Variants in STEAP4 observed in about 807,000 individuals in gnomAD.
The protein encoded by STEAP4 is metalloreductase STEAP4.
STEAP4 carries 36 observed loss-of-function variants against 43.6 expected under a neutral mutation model. That is an observed-to-expected ratio of 0.83 (90% CI 0.63 to 1.09). The LOEUF is 1.09. Ranked by LOEUF, STEAP4 falls within the 50% of genes least tolerant of loss-of-function variation. STEAP4 has a pLI of 0.00. For missense variants in STEAP4, 495 were observed against 546.5 expected (o/e 0.91, Z 0.94); for synonymous variants, 191 against 196.7 (o/e 0.97, Z 0.24).
chr7:88,298,491 A>G (rs1479473000), intron 1 of STEAP4: 1 of 151,868 alleles, frequency 6.6e-6, no homozygotes, highest in Non-Finnish European at 1.5e-5. Context: ...ACACACACAC[A>G]CACACACACA....
intron 4 of STEAP4, 46 bp from the exon 5 acceptor site, chr7:88,279,674 T>G (rs758162069): frequency 6.8e-7 from 1 of 1,470,648 alleles, no homozygotes; most frequent in South Asian, 1.2e-5. Flanking sequence ...TATTTACATC[T>G]TAAAGTGAAA....
chr7:88,284,264 C>T lies in STEAP4; in HGVS notation c.6G>A (p.Glu2=). The T allele has an allele frequency of 6.4e-7, 1 of 1,566,638 alleles. No individual in the cohort carries two copies. The highest frequency in any genetic ancestry group is 1.2e-5 in the South Asian group (1 of 85,040). The change falls in exon 2 of 5, where the codon GAG becomes GAA. Residue 2 remains glutamate, a synonymous_variant. Coordinates refer to ENST00000380079, the MANE Select transcript of STEAP4 (RefSeq NM_024636.4). ...GAGGAAGTGCATCTATACAAGTTTT[C>T]TCCATAACTGAAAAATAATAACACA... M[E]KTCIDALPLT... is the part of the protein sequence containing the mutation.
intron 2 of STEAP4, 197 bp from the exon 3 acceptor site, chr7:88,283,365 G>A (rs1347919416): frequency 5.3e-6 from 3 of 569,454 alleles, no homozygotes; most frequent in African/African-American, 3.8e-5. Context: ...AAGTACCAGG[G>A]TTTTTAGTTG....
At chr7:88,288,872 C>A (rs950548412) in intron 1 of STEAP4, among the ~76,000 whole-genome samples, 1 of 152,042 alleles carries the variant, frequency 6.6e-6, no homozygotes, top group African/African-American at 2.4e-5. Context: ...TGTTATGAAC[C>A]ATGTGGCTGT....
Position 88,283,905 on chromosome 7 carries a change from G to A in STEAP4, c.365C>T (p.Ala122Val). The change falls in exon 2 of 5, where the codon GCT becomes GTT. Residue 122 changes from alanine to valine, a missense_variant. Transcript: ENST00000380079. The stretch of plus-strand genomic sequence containing the variant: ...CACGTGGGCTCCTGGCACCAAATGA[G>A]CAAGGTACTCTGCATTAGATTCTGG... ...QYPESNAEYL[A>V]HLVPGAHVVK... 1 of 1,614,108 alleles carries A rather than the reference G, an allele frequency of 6.2e-7. No individual in the cohort carries two copies. The highest frequency in any genetic ancestry group is 8.5e-7 in the Non-Finnish European group (1 of 1,180,020).
intron 1 of STEAP4, among the ~76,000 whole-genome samples, chr7:88,288,192 CAG>C: frequency 6.6e-6 from 1 of 152,266 alleles, no homozygotes; most frequent in Non-Finnish European, 1.5e-5. Flanking sequence ...TTTTGTGAGA[CAG>C]AGTTTCGTTC....
At chr7:88,298,685 AATC>A (rs1485428334) in intron 1 of STEAP4, among the ~76,000 whole-genome samples, 5 of 152,186 alleles carry the variant, frequency 3.3e-5, no homozygotes, top group Non-Finnish European at 5.9e-5. Flanking sequence ...TAGCATGATA[AATC>A]ATCAACTTGT....
intron 1 of STEAP4, among the ~76,000 whole-genome samples, chr7:88,296,453 A>G (rs540953643): frequency 8.5e-5 from 13 of 152,310 alleles, no homozygotes; most frequent in Non-Finnish European, 1.9e-4. Context: ...TTTTTATTTT[A>G]ATTTAACAGC....
chr7:88,280,371 C>G (rs562695685), intron 4 of STEAP4, among the ~76,000 whole-genome samples: 58 of 152,316 alleles, frequency 3.8e-4, no homozygotes, highest in African/African-American at 1.4e-3. Context: ...CTTTGTGTAT[C>G]TAACAAGTTT....
rs373124599 is a variant in STEAP4 at position 88,306,387 on chromosome 7, A to G, written c.-3+405T>C. Among the ~76,000 whole-genome samples, 16 of 152,390 alleles carry G rather than the reference A, an allele frequency of 1.0e-4. No individual in the cohort carries two copies. In the East Asian group the frequency reaches 2.5e-3, roughly 24 times the overall value. ...AAAAATGGAAGTGGTTGCAGGTATC[A>G]GGACAAATTTTTAGTGCCTGGTCAA... On this transcript the variant is annotated intron_variant, in intron 1 of 4. Transcript: ENST00000380079.
intron 1 of STEAP4, among the ~76,000 whole-genome samples, chr7:88,285,417 T>C (rs79090628): frequency 0.14 from 21,641 of 152,228 alleles, 1,826 homozygotes; most frequent in Non-Finnish European, 0.2. Flanking sequence ...TCCCTAATTC[T>C]ATAAATTCTG....
chr7:88,291,452 A>G (rs1852831776), intron 1 of STEAP4, among the ~76,000 whole-genome samples: 1 of 150,370 alleles, frequency 6.7e-6, no homozygotes, highest in African/African-American at 2.4e-5. Context: ...GCACTGCTGC[A>G]CTCCAGCCTG....
chr7:88,281,670 GA>G (rs1852623139), intron 3 of STEAP4: 1 of 152,154 alleles, frequency 6.6e-6, no homozygotes. Flanking sequence ...ACTGAAGTAA[GA>G]TCTATCAAAA....
chr7:88,297,112 C>A (rs1486937002), intron 1 of STEAP4, among the ~76,000 whole-genome samples: 1 of 152,182 alleles, frequency 6.6e-6, no homozygotes, highest in Non-Finnish European at 1.5e-5. Context: ...TACACATTAA[C>A]ACCTTCCTTC....
At chr7:88,300,686 T>C (rs773426300) in intron 1 of STEAP4, among the ~76,000 whole-genome samples, 13 of 152,122 alleles carry the variant, frequency 8.5e-5, no homozygotes, top group Non-Finnish European at 1.9e-4. Context: ...TTTTTTTCCT[T>C]AGAGAGGCAT....
chr7:88,282,431 G>C (rs1852636260), intron 3 of STEAP4: 1 of 584,498 alleles, frequency 1.7e-6, no homozygotes. Context: ...ATGGGAGTGA[G>C]CCACCGCCCC....
chr7:88,282,134 ATTTTTTTTCTTTCTTTTT>A (rs1398692867), intron 3 of STEAP4: 3 of 149,862 alleles, frequency 2.0e-5, no homozygotes, highest in Non-Finnish European at 4.4e-5. Flanking sequence ...GGAAAGTATC[ATTTTTTTTCTTTCTTTTT>A]TTTTTTTTCT....
rs543897922 is a variant in STEAP4, at chr7:88,271,409, A to G, written c.*7989T>C. 6.6e-6 allele frequency: 1 copy of G among 152,224 alleles called. No homozygotes were observed. The highest frequency in any genetic ancestry group is 6.5e-5 in the Admixed American group (1 of 15,274). 9.4% of individuals were successfully genotyped at this position (152,224 alleles called of 1,614,324 possible). ...ACACATATGCAAAAGGAATCATACT[A>G]TATATGTTATTTTGTACCTTTTTAA... On this transcript the variant is annotated 3_prime_UTR_variant, in exon 5 of 5. Transcript: ENST00000380079.
rs1852654784 is a variant in STEAP4 at position 88,283,043 on chromosome 7, CAGGGGG to C, written c.576_581del (p.Tyr192_Leu194delinsTer). 1 of 1,613,560 alleles carries C rather than the reference CAGGGGG, an allele frequency of 6.2e-7. No homozygotes were observed. Among genetic ancestry groups the C allele is most frequent in the Non-Finnish European group, 8.5e-7 (1 of 1,179,812 alleles). ...GGAACCTCCACATTGGAAATAGCTG[CAGGGGG>C]TACTTTTCAATTTCTTTGGCTGCCA... On this transcript the variant is annotated stop_gained and inframe_deletion, in exon 3 of 5. Transcript: ENST00000380079. LOFTEE classifies it high-confidence loss of function.
Sources: allele counts gnomAD v4.1 joint callset (sites outside exome capture counted in the v4.1 genomes callset), GRCh38; gene constraint gnomAD v4.1.1; transcripts MANE v1.5; gene names NCBI Gene and HGNC (gene_info 2026-07-23, HGNC 2026-07-21).